The following ZBTB8OS variants were observed in gnomAD, a reference collection of about 807,000 sequenced individuals.
The protein encoded by ZBTB8OS is tRNA splicing ligase complex subunit 1.
Under a neutral mutation model 29.3 loss-of-function variants are expected in ZBTB8OS, and 16 were observed. That is an observed-to-expected ratio of 0.55 (90% CI 0.37 to 0.83). The LOEUF is 0.83. Ranked by LOEUF, ZBTB8OS falls within the 40% of genes least tolerant of loss-of-function variation. The pLI is 0.00. For synonymous variants in ZBTB8OS, 70 were observed against 64.6 expected (o/e 1.08, Z -0.40); for missense variants, 160 against 196.9 (o/e 0.81, Z 1.12).
At chr1:32,649,664 AC>A (rs1647154038) in intron 1 of ZBTB8OS, among the ~76,000 whole-genome samples, 1 of 135,440 alleles carries the variant, frequency 7.4e-6, no homozygotes, top group East Asian at 2.0e-4. Flanking sequence ...ACACACACAC[AC>A]ACATTTTTTT....
At chr1:32,629,297 T>C (rs1645358239) in intron 5 of ZBTB8OS, among the ~76,000 whole-genome samples, 5 of 151,828 alleles carry the variant, frequency 3.3e-5, no homozygotes, top group Admixed American at 2.6e-4. Context: ...ATGTCTGTTG[T>C]CCTAGCTAGG....
chr1:32,638,756 T>C (rs1472371712), intron 1 of ZBTB8OS, among the ~76,000 whole-genome samples: 2 of 150,362 alleles, frequency 1.3e-5, no homozygotes, highest in Non-Finnish European at 3.0e-5. Flanking sequence ...CTACTGAAAA[T>C]AGAAAAAATT....
intron 6 of ZBTB8OS, among the ~76,000 whole-genome samples, chr1:32,624,391 C>T (rs911263908): frequency 3.3e-5 from 5 of 152,126 alleles, no homozygotes; most frequent in African/African-American, 1.2e-4. Context: ...TACATTTCTA[C>T]CTCGAGTGCA....
chr1:32,646,150 T>C (rs947100946), intron 1 of ZBTB8OS, among the ~76,000 whole-genome samples: 1 of 151,904 alleles, frequency 6.6e-6, no homozygotes, highest in Non-Finnish European at 1.5e-5. Flanking sequence ...TGAAACTCCA[T>C]CACTACTAAA....
intron 3 of ZBTB8OS, 45 bp from the exon 4 acceptor site, chr1:32,633,772 A>C (rs758848337): frequency 2.0e-6 from 3 of 1,512,854 alleles, no homozygotes; most frequent in Non-Finnish European, 2.7e-6. Context: ...GGTCTCTAAA[A>C]ACATACTTGA....
intron 6 of ZBTB8OS, among the ~76,000 whole-genome samples, chr1:32,624,769 C>A (rs1477878059): frequency 6.6e-6 from 1 of 151,718 alleles, no homozygotes; most frequent in Non-Finnish European, 1.5e-5. Context: ...TGGCATACAC[C>A]TGTAATCCCA....
chr1:32,645,357 G>C (rs1646754667), intron 1 of ZBTB8OS, among the ~76,000 whole-genome samples: 1 of 151,546 alleles, frequency 6.6e-6, no homozygotes, highest in Non-Finnish European at 1.5e-5. Flanking sequence ...AATTAGCTAG[G>C]TGTAGTAGCC....
intron 1 of ZBTB8OS, among the ~76,000 whole-genome samples, chr1:32,644,063 G>A (rs1381137110): frequency 2.6e-5 from 4 of 151,946 alleles, no homozygotes; most frequent in Admixed American, 1.3e-4. Flanking sequence ...GGAAGGGGAG[G>A]GGGGGTCTAG....
At chr1:32,631,985 G>T (rs1645594868) in intron 4 of ZBTB8OS, 106 bp from the exon 5 acceptor site, 6 of 261,708 alleles carry the variant, frequency 2.3e-5, no homozygotes, top group Non-Finnish European at 3.7e-5. Context: ...CTAAAAATTG[G>T]TAAAACCTTT....
chr1:32,633,489 G>C, intron 4 of ZBTB8OS, 156 bp downstream of exon 4: 1 of 560,502 alleles, frequency 1.8e-6, no homozygotes, highest in Non-Finnish European at 3.2e-6. Context: ...GGTTAACCAG[G>C]AAGTGCCCGT....
intron 6 of ZBTB8OS, among the ~76,000 whole-genome samples, chr1:32,623,169 G>T (rs1256416445): frequency 1.3e-5 from 2 of 152,170 alleles, no homozygotes; most frequent in Non-Finnish European, 2.9e-5. Context: ...AAAAAAGGAA[G>T]ATTTCACAGA....
chr1:32,631,938 A>AG, intron 4 of ZBTB8OS, 59 bp from the exon 5 acceptor site: 1 of 953,440 alleles, frequency 1.0e-6, no homozygotes, highest in Non-Finnish European at 1.5e-6. Flanking sequence ...ATCTACTAAA[A>AG]ATCTTTTTGT....
chr1:32,633,725 C>T lies in ZBTB8OS; in HGVS notation c.247G>A (p.Asp83Asn), dbSNP rs61738696. ...LQTVEVETQG[D>N]DLQSLLFHFL... The stretch of plus-strand genomic sequence containing the variant: ...TGAAACAGAAGAGACTGTAAGTCAT[C>T]TCCTACACAAGATCAAATAGTATAT... The change falls in exon 4 of 7, where the codon GAT becomes AAT. Residue 83 changes from aspartate (D) to asparagine (N), a missense_variant and splice_region_variant. Coordinates refer to ENST00000468695, the MANE Select transcript of ZBTB8OS (RefSeq NM_178547.5). 5 of 1,597,438 alleles carry T rather than the reference C, an allele frequency of 3.1e-6. No individual in the cohort carries two copies. In the Admixed American group the frequency reaches 7.2e-5, roughly 23 times the overall value.
chr1:32,621,631 C>CTTTTA lies in ZBTB8OS; in HGVS notation c.*230_*231insTAAAA. On this transcript the variant is annotated 3_prime_UTR_variant, in exon 7 of 7. Transcript: ENST00000468695. Reference sequence around the variant, plus strand: ...ACAGCAGAGAATCAAAGGACCATAACTGTCCCTTGGGGGGTTGAAGAATTC... The same window carrying CTTTTA: ...ACAGCAGAGAATCAAAGGACCATAACTTTTATGTCCCTTGGGGGGTTGAAGAATTC... 1 of 486,846 alleles carries CTTTTA rather than the reference C, an allele frequency of 2.1e-6. No individual in the cohort carries two copies. The highest frequency in any genetic ancestry group is 3.6e-6 in the Non-Finnish European group (1 of 278,848). 30.2% of individuals were successfully genotyped at this position (486,846 alleles called of 1,614,324 possible). A position where few individuals can be genotyped will look rare whatever the true frequency, so the allele number is the denominator to read the frequency against.
chr1:32,650,000 G>A (rs964861523), intron 1 of ZBTB8OS, among the ~76,000 whole-genome samples: 6 of 152,036 alleles, frequency 3.9e-5, no homozygotes, highest in African/African-American at 1.4e-4. Context: ...ATCATAAATG[G>A]CAAAACCAGG....
chr1:32,642,556 G>A (rs1422120253), intron 1 of ZBTB8OS, among the ~76,000 whole-genome samples: 2 of 150,506 alleles, frequency 1.3e-5, no homozygotes, highest in Non-Finnish European at 3.0e-5. Flanking sequence ...TCTTTCTGGG[G>A]GAGAATTTGC....
At position 32,642,417 on chromosome 1, in the gene ZBTB8OS, T is replaced by C. The variant is rs148327102; in HGVS notation, c.98-7625A>G. Among the ~76,000 whole-genome samples, 423 of 151,648 alleles carry C rather than the reference T, an allele frequency of 2.8e-3. 2 individuals carry two copies. Among genetic ancestry groups the C allele is most frequent in the African/African-American group, 9.8e-3 (407 of 41,326 alleles). On this transcript the variant is annotated intron_variant, in intron 1 of 6. Coordinates refer to ENST00000468695, the MANE Select transcript of ZBTB8OS (RefSeq NM_178547.5). The stretch of plus-strand genomic sequence containing the variant: ...TACTCGGGAGGGTGAGGTAGGAGAA[T>C]TGCTTGAACCCAGGAGACAGAGGTT...
intron 1 of ZBTB8OS, among the ~76,000 whole-genome samples, chr1:32,637,681 G>A (rs181695589): frequency 6.6e-6 from 1 of 152,162 alleles, no homozygotes; most frequent in African/African-American, 2.4e-5. Flanking sequence ...AGGAAGTGGA[G>A]GATTGACTGG....
intron 1 of ZBTB8OS, among the ~76,000 whole-genome samples, chr1:32,636,042 T>C (rs543688368): frequency 6.6e-6 from 1 of 152,310 alleles, no homozygotes; most frequent in East Asian, 1.9e-4. Context: ...TTGAGATATT[T>C]TGCAGACCCT....
Sources: gnomAD v4.1 joint callset for allele counts (sites outside exome capture counted in the v4.1 genomes callset) on GRCh38, gnomAD v4.1.1 for gene constraint, MANE v1.5 for transcripts, NCBI Gene and HGNC (gene_info 2026-07-23, HGNC 2026-07-21) for gene names.